NFASC: variants seen among roughly 807,000 people sequenced by gnomAD.
The protein encoded by NFASC is neurofascin.
A neutral mutation model predicts 147.5 loss-of-function variants in NFASC; 43 were observed. The ratio of observed to expected loss-of-function variants is 0.29; its 90% CI spans 0.23 to 0.38. The LOEUF (loss-of-function observed/expected upper bound fraction) is 0.38, where lower values mean the gene tolerates loss of function less well. NFASC is among the 10% of genes least tolerant of loss of function. The pLI, the probability that NFASC is intolerant of heterozygous loss-of-function variation, is 1.00. For missense variants in NFASC, 1,320 were observed against 1,689.0 expected, an observed-to-expected ratio of 0.78 and a Z score of 3.83; for synonymous variants, 622 against 665.5, an observed-to-expected ratio of 0.93 and a Z score of 1.01.
chr1:204,973,200 C>A, intron 11 of NFASC, 76 bp from the exon 12 acceptor site: 1 of 1,530,900 alleles, frequency 6.5e-7, no homozygotes, highest in Non-Finnish European at 8.9e-7. Context: ...TTCCTGGGAG[C>A]CCTGGCCAGA....
intron 1 of NFASC, among the ~76,000 whole-genome samples, chr1:204,883,017 G>C (rs2080585670): frequency 1.3e-5 from 2 of 151,916 alleles, no homozygotes; most frequent in Admixed American, 1.3e-4. Flanking sequence ...GGAGGCCATG[G>C]ATAAGGGCTG....
At chr1:204,938,644 C>A (rs1266673824) in intron 2 of NFASC, among the ~76,000 whole-genome samples, 7 of 152,222 alleles carry the variant, frequency 4.6e-5, no homozygotes, top group African/African-American at 1.4e-4. Context: ...GTCCAGAGGT[C>A]TTCTACCAGG....
Position 204,975,845 on chromosome 1 carries a change from C to T in NFASC, c.1706+427C>T, listed in dbSNP as rs1290697888. Among the ~76,000 whole-genome samples the T allele has an allele frequency of 6.6e-6, 1 of 152,186 alleles. No homozygotes were observed. The highest frequency in any genetic ancestry group is 1.5e-5 in the Non-Finnish European group (1 of 68,020). Reference sequence around the variant, plus strand: ...AGAGGGCAGGGTTGATCTGAGCCAGCTCTCAGCCCTGACTGAACCTGGCAT... The same window carrying T: ...AGAGGGCAGGGTTGATCTGAGCCAGTTCTCAGCCCTGACTGAACCTGGCAT... On this transcript the variant is annotated intron_variant, in intron 15 of 29. Transcript: ENST00000339876. This position sits in a 1 kb window ranked among gnomAD's most constrained non-coding sequence, Gnocchi z 4.0.
chr1:205,007,235 T>A (rs2802843), intron 27 of NFASC, among the ~76,000 whole-genome samples: 76,887 of 146,352 alleles, frequency 0.53, 20,479 homozygotes, highest in Non-Finnish European at 0.61. Context: ...TTTACTAAAA[T>A]TAAAAAAACA....
intron 2 of NFASC, among the ~76,000 whole-genome samples, chr1:204,934,830 T>C (rs2625222): frequency 0.1 from 15,437 of 152,236 alleles, 847 homozygotes; most frequent in Middle Eastern, 0.15. Flanking sequence ...GGTGTAGGAT[T>C]GCTCTGAGAA....
intron 3 of NFASC, among the ~76,000 whole-genome samples, chr1:204,947,329 C>T (rs888621325): frequency 2.0e-5 from 3 of 152,358 alleles, no homozygotes; most frequent in Non-Finnish European, 2.9e-5. Flanking sequence ...CACAGACCTC[C>T]CATGTGTGCT....
chr1:204,949,820 T>C (rs1205779146), intron 3 of NFASC, among the ~76,000 whole-genome samples: 1 of 152,210 alleles, frequency 6.6e-6, no homozygotes, highest in African/African-American at 2.4e-5. Context: ...AGCACACCTA[T>C]ACAAGCACAT....
intron 10 of NFASC, 122 bp downstream of exon 10, chr1:204,969,104 G>GGGCTGGAA: frequency 2.4e-6 from 2 of 845,978 alleles, no homozygotes; most frequent in Non-Finnish European, 3.7e-6. Flanking sequence ...ACTGCTCAGT[G>GGGCTGGAA]GCAATGGCGA....
chr1:204,846,955 G>GTGTGTGTC (rs200109608), intron 1 of NFASC, among the ~76,000 whole-genome samples: 3,042 of 146,434 alleles, frequency 0.021, 99 homozygotes, highest in African/African-American at 0.07. Context: ...GTGTACGCGT[G>GTGTGTGTC]TGTGTGTGTG....
chr1:204,953,052 T>G (rs1431680466), intron 5 of NFASC, among the ~76,000 whole-genome samples: 1 of 152,232 alleles, frequency 6.6e-6, no homozygotes, highest in African/African-American at 2.4e-5. Flanking sequence ...TTCTGAGGTT[T>G]GGTCTTTCCC....
At chr1:204,934,564 C>A (rs1470386714) in intron 2 of NFASC, among the ~76,000 whole-genome samples, 1 of 152,178 alleles carries the variant, frequency 6.6e-6, no homozygotes, top group African/African-American at 2.4e-5. Context: ...CTCTGCCTTC[C>A]GGGTTATCCT....
chr1:204,907,295 C>T (rs2086215440), intron 1 of NFASC, among the ~76,000 whole-genome samples: 1 of 151,138 alleles, frequency 6.6e-6, no homozygotes, highest in Non-Finnish European at 1.5e-5. Flanking sequence ...ATCTTTTGCT[C>T]ATTTTTTATT....
intron 29 of NFASC, among the ~76,000 whole-genome samples, chr1:205,013,360 G>A (rs925767306): frequency 1.1e-4 from 16 of 152,140 alleles, no homozygotes; most frequent in Admixed American, 2.6e-4. Flanking sequence ...ATTCCAGGTC[G>A]TTTCTCCTTG....
Position 205,010,101 on chromosome 1 carries a change from G to A in NFASC, c.3421+413G>A, listed in dbSNP as rs1007560432. Reference sequence around the variant, plus strand: ...GTCCCAGAGAATGGGGAGAGGAGGGGCCTGGGCAGAAGCAGCACCCACATG... The same window carrying A: ...GTCCCAGAGAATGGGGAGAGGAGGGACCTGGGCAGAAGCAGCACCCACATG... On this transcript the variant is annotated intron_variant, in intron 28 of 29. Transcript: ENST00000339876. This position sits in a 1 kb window ranked among gnomAD's most constrained non-coding sequence, Gnocchi z 4.1. 1 of 206,958 alleles carries A rather than the reference G, an allele frequency of 4.8e-6. No individual in the cohort carries two copies. Among genetic ancestry groups the A allele is most frequent in the East Asian group, 1.2e-4 (1 of 8,590 alleles). 12.8% of individuals were successfully genotyped at this position (206,958 alleles called of 1,614,324 possible).
intron 1 of NFASC, among the ~76,000 whole-genome samples, chr1:204,850,899 A>G (rs1293175392): frequency 6.6e-6 from 1 of 152,176 alleles, no homozygotes; most frequent in East Asian, 1.9e-4. Flanking sequence ...TTTTATCCAT[A>G]ATGAACCAGG....
At position 205,017,261 on chromosome 1, in the gene NFASC, T is replaced by A; in HGVS notation, c.*722T>A. 1 of 159,728 alleles carries A rather than the reference T, an allele frequency of 6.3e-6. No individual in the cohort carries two copies. 9.9% of individuals were successfully genotyped at this position (159,728 alleles called of 1,614,324 possible). ...GCCTCCTTGCTGCTCTCTGGTTTGG[T>A]TGGGAGGTGTGTTTACCTCTTGCTC... On this transcript the variant is annotated 3_prime_UTR_variant, in exon 30 of 30. Transcript: ENST00000339876.
At chr1:204,866,947 CATTGGT>C (rs754040345) in intron 1 of NFASC, among the ~76,000 whole-genome samples, 1 of 152,024 alleles carries the variant, frequency 6.6e-6, no homozygotes, top group Non-Finnish European at 1.5e-5. Context: ...GAGGAGGTGG[CATTGGT>C]ACTGGGCCTT....
At chr1:204,916,709 G>GTTTT (rs1361195539) in intron 1 of NFASC, among the ~76,000 whole-genome samples, 6 of 123,118 alleles carry the variant, frequency 4.9e-5, no homozygotes, top group African/African-American at 1.5e-4. Context: ...ATTCTTTTTT[G>GTTTT]TTTTTTTTGT....
intron 11 of NFASC, among the ~76,000 whole-genome samples, chr1:204,972,242 C>A (rs115004903): frequency 4.6e-5 from 7 of 152,318 alleles, no homozygotes; most frequent in African/African-American, 1.7e-4. Context: ...ATCTTGAATG[C>A]GTTCATGTAC....
Sources: gnomAD v4.1 joint callset for allele counts (sites outside exome capture counted in the v4.1 genomes callset) on GRCh38, gnomAD v4.1.1 for gene constraint, Gnocchi (gnomAD v3.1) non-coding constraint, MANE v1.5 for transcripts, NCBI Gene and HGNC (gene_info 2026-07-23, HGNC 2026-07-21) for gene names.